ZFAT: variants seen among roughly 807,000 people sequenced by gnomAD.
The protein encoded by ZFAT is zinc finger protein ZFAT.
ZFAT carries 64 observed loss-of-function variants against 117.7 expected under a neutral mutation model. The ratio of observed to expected loss-of-function variants is 0.54; its 90% CI spans 0.44 to 0.67. ZFAT has a LOEUF of 0.67. Among genes scored for constraint, ZFAT ranks in the 30% least tolerant of loss-of-function variants. ZFAT has a pLI of 0.00. For missense variants in ZFAT, 1,433 were observed against 1,584.5 expected (o/e 0.90, Z 1.62); for synonymous variants, 679 against 615.0 (o/e 1.10, Z -1.54).
chr8:134,611,839 G>A (rs1828353423), intron 3 of ZFAT, among the ~76,000 whole-genome samples: 1 of 152,228 alleles, frequency 6.6e-6, no homozygotes, highest in African/African-American at 2.4e-5. Context: ...TTGTGCCGCT[G>A]CTGCAGACAG....
chr8:134,564,237 A>G (rs1466922852), intron 11 of ZFAT, among the ~76,000 whole-genome samples: 2 of 151,492 alleles, frequency 1.3e-5, no homozygotes, highest in African/African-American at 4.9e-5. Flanking sequence ...TTGTTGCCCA[A>G]GACACCACTG....
At chr8:134,789,289 T>C in the ZFAT span, among the ~76,000 whole-genome samples, 1 of 152,204 alleles carries the variant, frequency 6.6e-6, no homozygotes, top group Non-Finnish European at 1.5e-5. Context: ...AAACTTCTCC[T>C]GTCTCGTTAT....
chr8:134,815,862 G>A, the ZFAT span, among the ~76,000 whole-genome samples: 12 of 152,088 alleles, frequency 7.9e-5, no homozygotes, highest in Non-Finnish European at 1.2e-4. Context: ...TTATTACCAC[G>A]CACTCTTTGA....
intron 7 of ZFAT, among the ~76,000 whole-genome samples, chr8:134,593,863 G>A (rs1161529771): frequency 1.3e-5 from 2 of 152,242 alleles, no homozygotes; most frequent in Admixed American, 6.5e-5. Context: ...GCTGCAATGA[G>A]GAAGAGGTGT....
chr8:134,521,869 G>A (rs1056376519), intron 12 of ZFAT, among the ~76,000 whole-genome samples: 18 of 152,274 alleles, frequency 1.2e-4, no homozygotes, highest in African/African-American at 4.1e-4. Context: ...CCAGGGGAAT[G>A]AGCCCTCTCA....
At chr8:134,494,761 T>C (rs141975240) in intron 15 of ZFAT, among the ~76,000 whole-genome samples, 143 of 152,320 alleles carry the variant, frequency 9.4e-4, no homozygotes, top group Non-Finnish European at 1.6e-3. Flanking sequence ...TAACAAAACA[T>C]AAACCATTTA....
intron 2 of ZFAT, among the ~76,000 whole-genome samples, chr8:134,645,886 C>T (rs1304194602): frequency 6.6e-6 from 1 of 152,090 alleles, no homozygotes; most frequent in Non-Finnish European, 1.5e-5. Flanking sequence ...ACATTTTAGG[C>T]CATAAGTTAA....
intron 1 of ZFAT, among the ~76,000 whole-genome samples, chr8:134,681,120 GCTCCCA>G (rs1229678335): frequency 2.6e-5 from 4 of 152,234 alleles, no homozygotes; most frequent in Non-Finnish European, 5.9e-5. Context: ...GAAGGAGGCA[GCTCCCA>G]GAGGCACACA....
intron 11 of ZFAT, among the ~76,000 whole-genome samples, chr8:134,547,500 C>G (rs979052298): frequency 2.1e-5 from 3 of 146,152 alleles, no homozygotes; most frequent in African/African-American, 7.3e-5. Context: ...CTGTACAGAA[C>G]TGCCCACAGA....
intron 15 of ZFAT, among the ~76,000 whole-genome samples, chr8:134,493,860 TA>T (rs1818234598): frequency 6.6e-6 from 1 of 152,076 alleles, no homozygotes; most frequent in Non-Finnish European, 1.5e-5. Flanking sequence ...AGGCACTCAA[TA>T]AACACTGAAT....
chr8:134,712,764 T>C, intron 1 of ZFAT, 81 bp downstream of exon 1: 2 of 1,391,226 alleles, frequency 1.4e-6, no homozygotes, highest in East Asian at 3.0e-5. Flanking sequence ...GCTTCCCGAC[T>C]CGACGCTCGA....
At chr8:134,579,588 C>A (rs1825576156) in intron 10 of ZFAT, among the ~76,000 whole-genome samples, 1 of 152,158 alleles carries the variant, frequency 6.6e-6, no homozygotes, top group South Asian at 2.1e-4. Flanking sequence ...TGGGCGGAGA[C>A]ACAGCCAAAC....
At chr8:134,498,799 G>C (rs1258033789) in intron 15 of ZFAT, among the ~76,000 whole-genome samples, 2 of 48,884 alleles carry the variant, frequency 4.1e-5, no homozygotes, top group Non-Finnish European at 8.1e-5. Context: ...GGTCGGGGTG[G>C]AGCTGGGATG....
chr8:134,497,395 C>T (rs1276949604), intron 15 of ZFAT, among the ~76,000 whole-genome samples: 2 of 152,136 alleles, frequency 1.3e-5, no homozygotes, highest in African/African-American at 4.8e-5. Flanking sequence ...GTGCAGGATG[C>T]CCCTGCTGCT....
At chr8:134,518,862 A>C (rs2130451740) in intron 13 of ZFAT, among the ~76,000 whole-genome samples, 1 of 152,146 alleles carries the variant, frequency 6.6e-6, no homozygotes, top group South Asian at 2.1e-4. Context: ...ATCTTTTTTC[A>C]GATAGCTATT....
chr8:134,758,829 G>A, the ZFAT span, among the ~76,000 whole-genome samples: 2,919 of 152,236 alleles, frequency 0.019, 79 homozygotes, highest in African/African-American at 0.067. Flanking sequence ...ATCCTGATCC[G>A]TGGCACATCA....
At chr8:134,808,781 T>C in the ZFAT span, among the ~76,000 whole-genome samples, 19 of 152,362 alleles carry the variant, frequency 1.2e-4, no homozygotes, top group African/African-American at 3.6e-4. Flanking sequence ...GTAGGCAAGA[T>C]GGGTACCATT....
chr8:134,726,158 T>A, the ZFAT span, among the ~76,000 whole-genome samples: 1 of 151,896 alleles, frequency 6.6e-6, no homozygotes. Flanking sequence ...AAGGAAAGAA[T>A]TCATCTGAGG....
At chr8:134,509,527 A>C (rs1786224702) in intron 15 of ZFAT, 92 bp downstream of exon 15, 1 of 1,560,998 alleles carries the variant, frequency 6.4e-7, no homozygotes. Flanking sequence ...GTTCTACCTC[A>C]GGTAAGTTAA....
Sources: allele counts gnomAD v4.1 joint callset (sites outside exome capture counted in the v4.1 genomes callset), GRCh38; gene constraint gnomAD v4.1.1; transcripts MANE v1.5; gene names NCBI Gene and HGNC (gene_info 2026-07-23, HGNC 2026-07-21).